GMDS: variants seen among roughly 807,000 people sequenced by gnomAD.
The protein encoded by GMDS is GDP-mannose 4,6-dehydratase.
A neutral mutation model predicts 49.9 loss-of-function variants in GMDS; 20 were observed. The observed-to-expected ratio is 0.40, with a 90% CI of 0.28 to 0.58. GMDS has a LOEUF of 0.58. Ranked by LOEUF, GMDS falls within the 20% of genes least tolerant of loss-of-function variation. The probability of loss-of-function intolerance (pLI) is 0.42; values close to 1 mark genes in which losing one functional copy is unlikely to be tolerated. For missense variants in GMDS, 362 were observed against 481.4 expected (o/e 0.75, Z 2.32); for synonymous variants, 177 against 178.6 (o/e 0.99, Z 0.07).
chr6:1,679,526 C>G (rs559711308), intron 9 of GMDS: 1 of 152,352 alleles, frequency 6.6e-6, no homozygotes, highest in East Asian at 1.9e-4. Context: ...CTCTGCTCCT[C>G]ATACCTGTTG....
At chr6:2,146,312 AG>A (rs1776556561) in intron 1 of GMDS, among the ~76,000 whole-genome samples, 1 of 152,162 alleles carries the variant, frequency 6.6e-6, no homozygotes, top group Non-Finnish European at 1.5e-5. Flanking sequence ...AGACATATGA[AG>A]GTGGTTAAGT....
intron 7 of GMDS, among the ~76,000 whole-genome samples, chr6:1,769,590 C>T (rs1033594618): frequency 6.6e-6 from 1 of 152,272 alleles, no homozygotes; most frequent in Non-Finnish European, 1.5e-5. Context: ...AGGAGGAAGA[C>T]TGAAGCCCAA....
intron 7 of GMDS, among the ~76,000 whole-genome samples, chr6:1,828,930 C>T (rs1004706593): frequency 1.3e-5 from 2 of 152,218 alleles, no homozygotes; most frequent in Non-Finnish European, 2.9e-5. Flanking sequence ...CGACTGTTGA[C>T]TGCAAGCCTT....
At chr6:1,813,969 T>C (rs756817576) in intron 7 of GMDS, among the ~76,000 whole-genome samples, 33 of 152,194 alleles carry the variant, frequency 2.2e-4, no homozygotes, top group Non-Finnish European at 4.4e-4. Flanking sequence ...TGTGAGTAAA[T>C]TTTGAAAACT....
rs147243179 is a variant in GMDS at position 2,132,093 on chromosome 6, A to G, written c.103-7362T>C. Reference sequence around the variant, plus strand: ...GGTACTGTTTTCATCTCGATTTTACAGATGAGGAATCTGAGGTGAATTGAG... The same window carrying G: ...GGTACTGTTTTCATCTCGATTTTACGGATGAGGAATCTGAGGTGAATTGAG... On this transcript the variant is annotated intron_variant, in intron 1 of 10. Coordinates refer to ENST00000380815, the MANE Select transcript of GMDS (RefSeq NM_001500.4). 6.2e-4 allele frequency among the ~76,000 whole-genome samples: 95 copies of G among 152,334 alleles called. 1 individual carries two copies. In the East Asian group the frequency reaches 0.017, roughly 27 times the overall value.
chr6:2,195,820 C>CA lies in GMDS; in HGVS notation c.102+49500dup, dbSNP rs34797269. On this transcript the variant is annotated intron_variant, in intron 1 of 10. Coordinates refer to ENST00000380815, the MANE Select transcript of GMDS (RefSeq NM_001500.4). ...AACATAAGAAAGACCTTGTCTCTAC[C>CA]AAAAAAAAAAAAAAAGTTAATAAAA... is the stretch of plus-strand genomic sequence containing the variant. Among the ~76,000 whole-genome samples the CA allele has an allele frequency of 4.9e-3, 531 of 108,270 alleles. 3 individuals are homozygous for CA. Among genetic ancestry groups the CA allele is most frequent in the African/African-American group, 0.011 (339 of 29,738 alleles). 71.0% of individuals were successfully genotyped at this position (108,270 alleles called of 152,430 possible).
intron 7 of GMDS, among the ~76,000 whole-genome samples, chr6:1,860,787 G>T (rs1363123178): frequency 6.6e-6 from 1 of 152,128 alleles, no homozygotes; most frequent in African/African-American, 2.4e-5. Context: ...AAATCCAAGG[G>T]TACTTTAAGA....
intron 1 of GMDS, among the ~76,000 whole-genome samples, chr6:2,184,683 G>A (rs116828226): frequency 1.3e-5 from 2 of 151,944 alleles, no homozygotes; most frequent in East Asian, 3.9e-4. Flanking sequence ...TAAAACTTTT[G>A]TAAAAATTCA....
intron 4 of GMDS, among the ~76,000 whole-genome samples, chr6:2,102,134 T>A (rs1206853605): frequency 2.6e-5 from 4 of 152,104 alleles, no homozygotes; most frequent in African/African-American, 9.7e-5. Context: ...TGTAAAGCCA[T>A]CATAAATTAA....
chr6:1,809,526 C>A (rs1466525173), intron 7 of GMDS, among the ~76,000 whole-genome samples: 2 of 152,110 alleles, frequency 1.3e-5, no homozygotes, highest in Non-Finnish European at 2.9e-5. Context: ...ATTTTTGATT[C>A]CCAAGGCGAT....
chr6:1,830,964 T>C (rs1001923665), intron 7 of GMDS, among the ~76,000 whole-genome samples: 6 of 152,232 alleles, frequency 3.9e-5, no homozygotes, highest in Admixed American at 6.5e-5. Flanking sequence ...CAAAGCATTA[T>C]AATTTTTAAA....
chr6:1,710,793 G>A (rs67143983), intron 9 of GMDS, among the ~76,000 whole-genome samples: 36,145 of 152,082 alleles, frequency 0.24, 4,738 homozygotes, highest in African/African-American at 0.35. Flanking sequence ...GGTGTGAATG[G>A]CTCTTATGTT....
chr6:2,072,082 T>TTGCG (rs1562028168), intron 4 of GMDS, among the ~76,000 whole-genome samples: 1 of 152,198 alleles, frequency 6.6e-6, no homozygotes. Flanking sequence ...TGTGTGTGTA[T>TTGCG]TGCATGTCTG....
intron 1 of GMDS, among the ~76,000 whole-genome samples, 160 bp from the exon 2 acceptor site, chr6:2,124,891 T>A (rs1397585510): frequency 6.6e-6 from 1 of 152,206 alleles, no homozygotes; most frequent in East Asian, 1.9e-4. Context: ...AAATACCACA[T>A]GGTGTTCCAC....
rs530723529 is a variant in GMDS at position 1,833,351 on chromosome 6, G to A, written c.772-90765C>T. On this transcript the variant is annotated intron_variant, in intron 7 of 10. Coordinates refer to ENST00000380815, the MANE Select transcript of GMDS (RefSeq NM_001500.4). This position sits in a 1 kb window ranked among gnomAD's most constrained non-coding sequence, Gnocchi z 4.4. ...TTCCTTCATATGGAAAGCTCATCTC[G>A]GAGGTGTCAGGATAAAACATGAGAA... 3.4e-4 allele frequency among the ~76,000 whole-genome samples: 52 copies of A among 151,960 alleles called. No homozygotes were observed. Among genetic ancestry groups the A allele is most frequent in the South Asian group, 2.7e-3 (13 of 4,796 alleles).
At chr6:1,857,383 C>G (rs13437479) in intron 7 of GMDS, among the ~76,000 whole-genome samples, 2 of 152,162 alleles carry the variant, frequency 1.3e-5, no homozygotes, top group Admixed American at 1.3e-4. Context: ...TGGGGACATA[C>G]GGAGACAGCA....
intron 1 of GMDS, among the ~76,000 whole-genome samples, chr6:2,233,347 T>G (rs562377802): frequency 6.6e-6 from 1 of 152,244 alleles, no homozygotes; most frequent in East Asian, 1.9e-4. Context: ...AATTCCACTA[T>G]CCACCCTAAG....
intron 6 of GMDS, among the ~76,000 whole-genome samples, chr6:1,958,379 A>G (rs1763758316): frequency 6.6e-6 from 1 of 152,110 alleles, no homozygotes; most frequent in South Asian, 2.1e-4. Context: ...AGAAAGAGGC[A>G]GGGATTACCA....
At chr6:1,638,582 G>A (rs1016726489) in intron 9 of GMDS, among the ~76,000 whole-genome samples, 28 of 151,054 alleles carry the variant, frequency 1.9e-4, no homozygotes, top group African/African-American at 6.8e-4. Context: ...GGCTCTGGGG[G>A]GCATTATTCA....
Sources: allele counts gnomAD v4.1 joint callset (sites outside exome capture counted in the v4.1 genomes callset), GRCh38; gene constraint gnomAD v4.1.1; non-coding constraint Gnocchi (gnomAD v3.1); transcripts MANE v1.5; gene names NCBI Gene and HGNC (gene_info 2026-07-23, HGNC 2026-07-21).